Variants in RHOT1 observed in about 807,000 individuals in gnomAD.
The protein encoded by RHOT1 is mitochondrial Rho GTPase 1.
A neutral mutation model predicts 95.3 loss-of-function variants in RHOT1; 27 were observed. That is an observed-to-expected ratio of 0.28 (90% CI 0.21 to 0.39). The LOEUF is 0.39. RHOT1 is among the 10% of genes least tolerant of loss of function. RHOT1 has a pLI of 1.00. For synonymous variants in RHOT1, 227 were observed against 263.5 expected (o/e 0.86, Z 1.34); for missense variants, 578 against 786.7 (o/e 0.73, Z 3.17).
chr17:32,151,062 C>T, intron 1 of RHOT1: 1 of 1,293,874 alleles, frequency 7.7e-7, no homozygotes, highest in South Asian at 1.3e-5. Flanking sequence ...TTGGAGAAGG[C>T]ATTCCAGGCT....
chr17:32,149,631 A>ATGTGTGTG (rs1417047494), intron 1 of RHOT1, among the ~76,000 whole-genome samples: 10 of 88,152 alleles, frequency 1.1e-4, no homozygotes, highest in East Asian at 6.3e-4. Context: ...ATATATATAT[A>ATGTGTGTG]TATATGTGTG....
intron 1 of RHOT1, among the ~76,000 whole-genome samples, chr17:32,146,004 A>G (rs1379279834): frequency 2.7e-5 from 4 of 145,818 alleles, no homozygotes; most frequent in African/African-American, 2.5e-5. Flanking sequence ...TGACAGGGTG[A>G]GAATCTGTCT....
At chr17:32,198,627 T>G (rs1465668342) in intron 11 of RHOT1, among the ~76,000 whole-genome samples, 2 of 152,214 alleles carry the variant, frequency 1.3e-5, no homozygotes, top group Non-Finnish European at 2.9e-5. Flanking sequence ...GTAGATTGAT[T>G]GAGCCCAGGA....
At chr17:32,159,098 C>G (rs564760029) in intron 1 of RHOT1, among the ~76,000 whole-genome samples, 1 of 152,206 alleles carries the variant, frequency 6.6e-6, no homozygotes, top group Non-Finnish European at 1.5e-5. Context: ...CACACCGTGT[C>G]TCAGGAGCCC....
rs1409925489 is a variant in RHOT1 at position 32,180,034 on chromosome 17, G to A, written c.330-2723G>A. The A allele has an allele frequency of 4.9e-4, 74 of 150,154 alleles. 1 individual carries two copies. The highest frequency in any genetic ancestry group is 1.6e-3 in the African/African-American group (60 of 38,658). 9.3% of individuals were successfully genotyped at this position (150,154 alleles called of 1,614,324 possible). On this transcript the variant is annotated intron_variant, in intron 6 of 19. Transcript: ENST00000545287. ...CCGCCCCGTCTGGGAAGTGAGGAGC[G>A]TCTCTGCCCAGCCACCCATCGTCTG...
At chr17:32,146,588 G>A (rs1312640041) in intron 1 of RHOT1, among the ~76,000 whole-genome samples, 1 of 150,246 alleles carries the variant, frequency 6.7e-6, no homozygotes, top group Non-Finnish European at 1.5e-5. Flanking sequence ...TGGGACTACA[G>A]GTGCCCACCA....
chr17:32,164,368 G>A (rs551202169), intron 1 of RHOT1, among the ~76,000 whole-genome samples: 1 of 151,670 alleles, frequency 6.6e-6, no homozygotes, highest in South Asian at 2.1e-4. Context: ...CAAGCAGCTG[G>A]GACTACAGGC....
chr17:32,219,656 A>G (rs2038704662), intron 19 of RHOT1, among the ~76,000 whole-genome samples: 1 of 152,174 alleles, frequency 6.6e-6, no homozygotes, highest in Non-Finnish European at 1.5e-5. Flanking sequence ...ATAAAACCCA[A>G]GTCCAGACGT....
intron 18 of RHOT1, among the ~76,000 whole-genome samples, chr17:32,210,109 A>G (rs1436838822): frequency 6.6e-6 from 1 of 152,126 alleles, no homozygotes. Context: ...AGCTAAGCCA[A>G]GTCAGATTGG....
intron 19 of RHOT1, among the ~76,000 whole-genome samples, chr17:32,223,501 G>A (rs1405085907): frequency 1.3e-5 from 2 of 150,404 alleles, no homozygotes; most frequent in Non-Finnish European, 3.0e-5. Flanking sequence ...TGCAAACTCC[G>A]TCTTCTAGGT....
chr17:32,149,049 A>G (rs1412878580), intron 1 of RHOT1, among the ~76,000 whole-genome samples: 1 of 152,190 alleles, frequency 6.6e-6, no homozygotes, highest in African/African-American at 2.4e-5. Flanking sequence ...GTCCTTGTGG[A>G]TAATTGTGGT....
intron 18 of RHOT1, chr17:32,209,455 T>C: frequency 6.8e-7 from 1 of 1,464,004 alleles, no homozygotes; most frequent in Non-Finnish European, 9.6e-7. Context: ...TGTAAGTTAC[T>C]TTTTCTTTAT....
At chr17:32,174,257 C>G (rs533524412) in intron 3 of RHOT1, among the ~76,000 whole-genome samples, 4 of 152,238 alleles carry the variant, frequency 2.6e-5, no homozygotes, top group African/African-American at 9.6e-5. Context: ...TAAAATATGT[C>G]ATTAATTTTT....
chr17:32,207,210 T>TA (rs1483431637), intron 17 of RHOT1, 181 bp downstream of exon 17: 1 of 528,838 alleles, frequency 1.9e-6, no homozygotes, highest in African/African-American at 2.0e-5. Flanking sequence ...GTCTCAGACA[T>TA]ACATATTTCT....
intron 1 of RHOT1, among the ~76,000 whole-genome samples, chr17:32,170,552 G>A (rs2034494542): frequency 1.3e-5 from 2 of 152,176 alleles, no homozygotes; most frequent in Admixed American, 1.3e-4. Context: ...TATTCATAAT[G>A]TTGTGTAACC....
At chr17:32,178,309 G>A (rs1257564264) in intron 6 of RHOT1, among the ~76,000 whole-genome samples, 3 of 149,976 alleles carry the variant, frequency 2.0e-5, no homozygotes, top group Admixed American at 6.8e-5. Context: ...CTCCTGCCTC[G>A]GCCTACCGAG....
At chr17:32,175,941 A>G in intron 4 of RHOT1, 21 bp from the exon 5 acceptor site, 8 of 1,490,566 alleles carry the variant, frequency 5.4e-6, no homozygotes, top group Non-Finnish European at 7.2e-6. Context: ...GATACGATTA[A>G]TTTGTTAATT....
At chr17:32,180,861 CT>C (rs1242830179) in intron 6 of RHOT1, among the ~76,000 whole-genome samples, 3 of 152,150 alleles carry the variant, frequency 2.0e-5, no homozygotes, top group African/African-American at 7.2e-5. Context: ...TTTTAAAAAA[CT>C]TTTGTAGAAA....
chr17:32,200,995 T>A lies in RHOT1; in HGVS notation c.1140T>A (p.Tyr380Ter). 6.2e-7 allele frequency: 1 copy of A among 1,612,872 alleles called. No homozygotes were observed. The change falls in exon 14 of 20, where the codon TAT (tyrosine) becomes TAA (stop). Residue 380 changes from tyrosine to a stop codon, truncating the protein, a stop_gained. Coordinates refer to ENST00000545287, the MANE Select transcript of RHOT1 (RefSeq NM_001033566.3). LOFTEE classifies it high-confidence loss of function. ...TYLDVQRCLE[Y>*]LGYLGYSILT... ...TAGATGTACAGCGGTGCCTGGAATA[T>A]TTGGGCTATCTAGGCTATTCAATAT...
Sources: allele counts gnomAD v4.1 joint callset (sites outside exome capture counted in the v4.1 genomes callset), GRCh38; gene constraint gnomAD v4.1.1; transcripts MANE v1.5; gene names NCBI Gene and HGNC (gene_info 2026-07-23, HGNC 2026-07-21).